Variants in RBM25 observed in about 807,000 individuals in gnomAD.
The protein encoded by RBM25 is RNA-binding protein 25.
A neutral mutation model predicts 120.7 loss-of-function variants in RBM25; 19 were observed. The observed-to-expected ratio is 0.16, with a 90% CI of 0.11 to 0.23. RBM25 has a LOEUF of 0.23. RBM25 is among the 10% of genes least tolerant of loss of function. The pLI is 1.00. For synonymous variants in RBM25, 390 were observed against 326.7 expected (o/e 1.19, Z -2.09); for missense variants, 605 against 1,041.5 (o/e 0.58, Z 5.77).
chr14:73,113,585 G>A (rs1488682276), intron 17 of RBM25, among the ~76,000 whole-genome samples: 2 of 151,884 alleles, frequency 1.3e-5, no homozygotes. Context: ...CAGCTACTCG[G>A]GAGGCTGAGG....
chr14:73,114,405 A>G, intron 18 of RBM25, 72 bp downstream of exon 18: 1 of 1,138,124 alleles, frequency 8.8e-7, no homozygotes. Context: ...GTCTTAAAAT[A>G]TAGATGGGGT....
At chr14:73,064,429 C>T (rs1216299039) in intron 1 of RBM25, among the ~76,000 whole-genome samples, 1 of 151,360 alleles carries the variant, frequency 6.6e-6, no homozygotes, top group Non-Finnish European at 1.5e-5. Flanking sequence ...GAGTCTCGCT[C>T]TGTCACCCAG....
intron 6 of RBM25, among the ~76,000 whole-genome samples, chr14:73,088,890 C>T (rs1277965782): frequency 6.6e-6 from 1 of 152,156 alleles, no homozygotes; most frequent in Non-Finnish European, 1.5e-5. Context: ...CCTGTAATCC[C>T]AGAACTTTGG....
At chr14:73,075,042 C>A (rs1459373082) in intron 2 of RBM25, among the ~76,000 whole-genome samples, 2 of 150,568 alleles carry the variant, frequency 1.3e-5, no homozygotes, top group African/African-American at 4.9e-5. Flanking sequence ...GTTTCCTAGG[C>A]TAGAGTACAG....
chr14:73,084,019 T>C (rs12893630), intron 5 of RBM25, among the ~76,000 whole-genome samples: 23,034 of 151,722 alleles, frequency 0.15, 1,953 homozygotes, highest in South Asian at 0.24. Flanking sequence ...TGCTTCAGCC[T>C]CCTGAGTAGC....
At chr14:73,081,782 T>C (rs779515487) in intron 4 of RBM25, among the ~76,000 whole-genome samples, 18 of 152,336 alleles carry the variant, frequency 1.2e-4, no homozygotes, top group Non-Finnish European at 1.5e-4. Flanking sequence ...TATCGTGTTA[T>C]AGCATCTAAT....
intron 13 of RBM25, among the ~76,000 whole-genome samples, chr14:73,108,352 T>C (rs143288215): frequency 4.6e-5 from 7 of 152,356 alleles, no homozygotes; most frequent in African/African-American, 1.4e-4. Context: ...ACCTGTGTGC[T>C]AGGTCCAATT....
At chr14:73,077,558 T>C (rs1895451161) in intron 4 of RBM25, 22 bp downstream of exon 4, 1 of 1,534,476 alleles carries the variant, frequency 6.5e-7, no homozygotes. Context: ...TGTTTATTTT[T>C]CATTAAAAAT....
At chr14:73,082,755 A>C (rs1169492743) in intron 4 of RBM25, among the ~76,000 whole-genome samples, 1 of 152,128 alleles carries the variant, frequency 6.6e-6, no homozygotes, top group Non-Finnish European at 1.5e-5. Flanking sequence ...ATACCGTATC[A>C]AGCGTTTTCC....
intron 4 of RBM25, among the ~76,000 whole-genome samples, chr14:73,081,778 G>C (rs1229687599): frequency 1.3e-5 from 2 of 152,174 alleles, no homozygotes; most frequent in Non-Finnish European, 2.9e-5. Context: ...GCCTTATCGT[G>C]TTATAGCATC....
Position 73,109,453 on chromosome 14 carries a change from G to C in RBM25, c.1653G>C (p.Leu551=), listed in dbSNP as rs766112712. ...TTGAGGAAATCAGGCAGCGCCTTCT[G>C]GCAGAAGGGCATCCAGATCCAGATG... ...EELEEIRQRL[L]AEGHPDPDAE... Residue 551 remains leucine, a synonymous_variant, in exon 14 of 19, where the codon CTG becomes CTC. Coordinates refer to ENST00000261973, the MANE Select transcript of RBM25 (RefSeq NM_021239.3). 5 of 1,614,164 alleles carry C rather than the reference G, an allele frequency of 3.1e-6. No homozygotes were observed. Among genetic ancestry groups the C allele is most frequent in the Non-Finnish European group, 4.2e-6 (5 of 1,179,998 alleles).
chr14:73,092,167 G>A (rs1895831837), intron 6 of RBM25, among the ~76,000 whole-genome samples: 1 of 150,000 alleles, frequency 6.7e-6, no homozygotes, highest in Admixed American at 6.7e-5. Context: ...ATATAGTGGA[G>A]TAGATTAGAG....
intron 7 of RBM25, among the ~76,000 whole-genome samples, chr14:73,098,091 T>C (rs1174200308): frequency 6.6e-6 from 1 of 152,102 alleles, no homozygotes; most frequent in Non-Finnish European, 1.5e-5. Flanking sequence ...GCGAGACCCT[T>C]CTATAAAGTA....
At chr14:73,061,577 T>G (rs1490791899) in intron 1 of RBM25, among the ~76,000 whole-genome samples, 1 of 151,252 alleles carries the variant, frequency 6.6e-6, no homozygotes, top group Non-Finnish European at 1.5e-5. Flanking sequence ...CTTTTTTGTT[T>G]TATTTGGTTT....
chr14:73,099,516 C>T lies in RBM25; in HGVS notation c.783+83C>T, dbSNP rs542286406. 6.0e-4 allele frequency: 944 copies of T among 1,584,670 alleles called. 11 individuals carry two copies. In the South Asian group the frequency reaches 8.6e-3, roughly 15 times the overall value. Reference sequence around the variant, plus strand: ...TCATTCTTGTCTATCTGATTTTTCACTATTTAACTTTAGATTGTTAGATTT... The same window carrying T: ...TCATTCTTGTCTATCTGATTTTTCATTATTTAACTTTAGATTGTTAGATTT... On this transcript the variant is annotated intron_variant, in intron 8 of 18. Coordinates refer to ENST00000261973, the MANE Select transcript of RBM25 (RefSeq NM_021239.3).
intron 7 of RBM25, among the ~76,000 whole-genome samples, chr14:73,098,362 T>C (rs1895992406): frequency 1.3e-5 from 2 of 152,154 alleles, no homozygotes; most frequent in Non-Finnish European, 2.9e-5. Context: ...ACTCCTGAGC[T>C]CAAATGATCT....
At chr14:73,095,238 C>A (rs1249132229) in intron 6 of RBM25, among the ~76,000 whole-genome samples, 1 of 152,144 alleles carries the variant, frequency 6.6e-6, no homozygotes, top group Admixed American at 6.5e-5. Flanking sequence ...AGTGATACAG[C>A]TTGAGGAGAA....
At chr14:73,082,060 G>C (rs1895575857) in intron 4 of RBM25, among the ~76,000 whole-genome samples, 1 of 152,148 alleles carries the variant, frequency 6.6e-6, no homozygotes, top group Non-Finnish European at 1.5e-5. Flanking sequence ...CAGGAACTCT[G>C]TTTGGATGTT....
chr14:73,068,866 G>A (rs1253100930), intron 1 of RBM25, among the ~76,000 whole-genome samples: 1 of 151,420 alleles, frequency 6.6e-6, no homozygotes, highest in African/African-American at 2.4e-5. Flanking sequence ...GAGCCACCAC[G>A]CCCAGCCAAT....
Sources: gnomAD v4.1 joint callset for allele counts (sites outside exome capture counted in the v4.1 genomes callset) on GRCh38, gnomAD v4.1.1 for gene constraint, MANE v1.5 for transcripts, NCBI Gene and HGNC (gene_info 2026-07-23, HGNC 2026-07-21) for gene names.